Variants in CDH12 observed in about 807,000 individuals in gnomAD.
The protein encoded by CDH12 is cadherin 12.
A neutral mutation model predicts 74.1 loss-of-function variants in CDH12; 41 were observed. The ratio of observed to expected loss-of-function variants is 0.55; its 90% CI spans 0.43 to 0.72. CDH12 has a LOEUF of 0.72. Among genes scored for constraint, CDH12 ranks in the 30% least tolerant of loss-of-function variants. The probability of loss-of-function intolerance (pLI) is 0.00; values close to 1 mark genes in which losing one functional copy is unlikely to be tolerated. For missense variants in CDH12, 945 were observed against 977.2 expected (o/e 0.97, Z 0.44); for synonymous variants, 399 against 355.0 (o/e 1.12, Z -1.39).
intron 4 of CDH12, among the ~76,000 whole-genome samples, chr5:22,080,867 C>T (rs1742676495): frequency 6.6e-6 from 1 of 152,006 alleles, no homozygotes; most frequent in Non-Finnish European, 1.5e-5. Context: ...GCAATCTCCG[C>T]CTCCTGGGTT....
At chr5:22,801,437 T>G (rs2126417624) in intron 1 of CDH12, among the ~76,000 whole-genome samples, 1 of 151,972 alleles carries the variant, frequency 6.6e-6, no homozygotes, top group Non-Finnish European at 1.5e-5. Flanking sequence ...AAAAAGAGGT[T>G]TTTTGCCTTT....
rs1044294118 is a variant in CDH12, at chr5:22,330,911, G to A, written c.-333+74346C>T. Among the ~76,000 whole-genome samples the A allele has an allele frequency of 7.9e-5, 12 of 152,034 alleles. 1 individual carries two copies. Among genetic ancestry groups the A allele is most frequent in the Admixed American group, 1.3e-4 (2 of 15,272 alleles). On this transcript the variant is annotated intron_variant, in intron 3 of 14. Coordinates refer to ENST00000382254, the MANE Select transcript of CDH12 (RefSeq NM_004061.5). ...ATTTCTGGACATACCATGGGCCAAA[G>A]GTGAGCACACTGCCCTAAAGTGTGA... is the stretch of plus-strand genomic sequence containing the variant.
chr5:22,566,049 A>T (rs1441556076), intron 1 of CDH12, among the ~76,000 whole-genome samples: 1 of 152,148 alleles, frequency 6.6e-6, no homozygotes, highest in African/African-American at 2.4e-5. Context: ...GAATTGAGTG[A>T]ATTGATGTCT....
At chr5:22,798,294 T>C (rs1156691733) in intron 1 of CDH12, among the ~76,000 whole-genome samples, 1 of 152,148 alleles carries the variant, frequency 6.6e-6, no homozygotes, top group African/African-American at 2.4e-5. Flanking sequence ...AAAATGTCAT[T>C]GGTAAATATA....
intron 4 of CDH12, among the ~76,000 whole-genome samples, chr5:22,166,517 G>A (rs565487631): frequency 6.6e-6 from 1 of 152,164 alleles, no homozygotes; most frequent in Admixed American, 6.5e-5. Flanking sequence ...AAATTAAGAT[G>A]CTTCAAGTAT....
intron 5 of CDH12, among the ~76,000 whole-genome samples, chr5:22,019,168 T>G (rs1383531015): frequency 6.6e-6 from 1 of 152,178 alleles, no homozygotes; most frequent in African/African-American, 2.4e-5. Flanking sequence ...TCCATCTATC[T>G]ATGGCCTGGC....
intron 4 of CDH12, among the ~76,000 whole-genome samples, chr5:22,160,243 G>GA (rs953121998): frequency 3.3e-5 from 5 of 151,814 alleles, no homozygotes; most frequent in South Asian, 2.1e-4. Context: ...TTTCTTTTTA[G>GA]AAAAAAACAA....
chr5:22,733,298 TTTC>T (rs1364467920), intron 1 of CDH12, among the ~76,000 whole-genome samples: 1 of 151,944 alleles, frequency 6.6e-6, no homozygotes, highest in East Asian at 1.9e-4. Flanking sequence ...GTGGTATGAC[TTTC>T]TTAATATTTA....
chr5:22,792,036 G>A (rs1157543630), intron 1 of CDH12, among the ~76,000 whole-genome samples: 2 of 150,650 alleles, frequency 1.3e-5, no homozygotes, highest in Admixed American at 6.6e-5. Flanking sequence ...ATAAACAATG[G>A]TAATGCCTTT....
chr5:22,158,921 T>C (rs987607459), intron 4 of CDH12, among the ~76,000 whole-genome samples: 2 of 152,154 alleles, frequency 1.3e-5, no homozygotes, highest in African/African-American at 4.8e-5. Context: ...TGAAATTCTG[T>C]GACTCTTCAT....
chr5:22,691,862 GA>G (rs1580892536), intron 1 of CDH12, among the ~76,000 whole-genome samples: 1 of 151,884 alleles, frequency 6.6e-6, no homozygotes, highest in Non-Finnish European at 1.5e-5. Context: ...TAGAAGAACA[GA>G]AAAAAAGAAG....
At chr5:22,553,425 T>C (rs1418141802) in intron 1 of CDH12, among the ~76,000 whole-genome samples, 2 of 152,110 alleles carry the variant, frequency 1.3e-5, no homozygotes, top group Non-Finnish European at 2.9e-5. Context: ...AGAAGAGAGA[T>C]TCTTTTCTGA....
intron 1 of CDH12, among the ~76,000 whole-genome samples, chr5:22,516,945 G>A (rs1036894459): frequency 7.2e-5 from 11 of 151,812 alleles, no homozygotes; most frequent in Non-Finnish European, 1.3e-4. Context: ...GATGAAAGAA[G>A]TTTAGATGCG....
chr5:22,689,057 G>A (rs1328557384), intron 1 of CDH12, among the ~76,000 whole-genome samples: 1 of 152,140 alleles, frequency 6.6e-6, no homozygotes, highest in Non-Finnish European at 1.5e-5. Flanking sequence ...AGAGGAAAGG[G>A]ATTGTCTAAA....
intron 3 of CDH12, among the ~76,000 whole-genome samples, chr5:22,279,721 G>C (rs1306281016): frequency 6.6e-6 from 1 of 152,098 alleles, no homozygotes; most frequent in African/African-American, 2.4e-5. Context: ...ATTTTTTATG[G>C]CTGCATAGTA....
chr5:22,840,439 T>C (rs1359020784), intron 1 of CDH12, among the ~76,000 whole-genome samples: 1 of 151,996 alleles, frequency 6.6e-6, no homozygotes, highest in Non-Finnish European at 1.5e-5. Flanking sequence ...TAATAAATGC[T>C]TGGGTATGCT....
intron 4 of CDH12, among the ~76,000 whole-genome samples, chr5:22,113,267 T>A (rs1275135230): frequency 6.6e-6 from 1 of 152,158 alleles, no homozygotes; most frequent in African/African-American, 2.4e-5. Context: ...AAAATTTACA[T>A]CTGTAAAGAA....
intron 6 of CDH12, among the ~76,000 whole-genome samples, chr5:21,953,641 C>G (rs528038908): frequency 6.6e-6 from 1 of 152,178 alleles, no homozygotes; most frequent in South Asian, 2.1e-4. Flanking sequence ...AATTTTAGTT[C>G]TTTAAAGTAA....
intron 6 of CDH12, among the ~76,000 whole-genome samples, chr5:21,921,684 G>A (rs185375162): frequency 6.6e-6 from 1 of 152,150 alleles, no homozygotes; most frequent in Non-Finnish European, 1.5e-5. Context: ...TCTTAGATAT[G>A]ATGGGGAAGA....
Sources: gnomAD v4.1 joint callset for allele counts (sites outside exome capture counted in the v4.1 genomes callset) on GRCh38, gnomAD v4.1.1 for gene constraint, MANE v1.5 for transcripts, NCBI Gene and HGNC (gene_info 2026-07-23, HGNC 2026-07-21) for gene names.